ZNF713: variants seen among roughly 807,000 people sequenced by gnomAD.
ZNF713 encodes zinc finger protein 713.
Under a neutral mutation model 28.7 loss-of-function variants are expected in ZNF713, and 21 were observed. The observed-to-expected ratio is 0.73, with a 90% CI of 0.52 to 1.05. ZNF713 has a LOEUF of 1.05. ZNF713 is among the 50% of genes least tolerant of loss of function. ZNF713 has a pLI of 0.00. For missense variants in ZNF713, 458 were observed against 532.4 expected, an observed-to-expected ratio of 0.86 and a Z score of 1.37; for synonymous variants, 167 against 178.0, an observed-to-expected ratio of 0.94 and a Z score of 0.49.
Position 55,939,175 on chromosome 7 carries a change from A to G in ZNF713, c.501A>G (p.Val167=), listed in dbSNP as rs765414761. 6.2e-7 allele frequency: 1 copy of G among 1,613,970 alleles called. No homozygotes were observed. Among genetic ancestry groups the G allele is most frequent in the Non-Finnish European group, 8.5e-7 (1 of 1,179,984 alleles). ...QENHKRYLGQ[V]TLTHKKITQE... ...ACCACAAGAGATATTTAGGACAAGT[A>G]ACTTTGACCCACAAAAAGATCACAC... The change falls in exon 7 of 7, where the codon GTA becomes GTG. Residue 167 remains valine (V), a synonymous_variant. Coordinates refer to ENST00000429591, the MANE Select transcript of ZNF713 (RefSeq NM_182633.3).
intron 4 of ZNF713, among the ~76,000 whole-genome samples, chr7:55,918,861 G>A (rs1785933645): frequency 6.6e-6 from 1 of 152,098 alleles, no homozygotes; most frequent in African/African-American, 2.4e-5. Context: ...GGGCATGGTG[G>A]TTTGCGCCCG....
chr7:55,900,301 C>T (rs1433610750), intron 1 of ZNF713, among the ~76,000 whole-genome samples: 1 of 151,998 alleles, frequency 6.6e-6, no homozygotes. Flanking sequence ...AACCCTGTCT[C>T]TACTAAAAAT....
At chr7:55,894,023 GTATCA>G (rs1392471853) in intron 1 of ZNF713, among the ~76,000 whole-genome samples, 1 of 152,202 alleles carries the variant, frequency 6.6e-6, no homozygotes, top group Non-Finnish European at 1.5e-5. Flanking sequence ...TTAATTTGCA[GTATCA>G]TTTTCTGAGC....
intron 6 of ZNF713, among the ~76,000 whole-genome samples, chr7:55,936,261 T>TC (rs71561979): frequency 0.12 from 6,434 of 54,032 alleles, 251 homozygotes; most frequent in East Asian, 0.43. Context: ...TGAGACTCTG[T>TC]CCCAAAAAAA....
At chr7:55,912,937 A>G (rs1035851520) in intron 4 of ZNF713, among the ~76,000 whole-genome samples, 2 of 152,166 alleles carry the variant, frequency 1.3e-5, no homozygotes. Context: ...ACTCAATTTC[A>G]TGGATTCCTG....
rs569470932 is a variant in ZNF713 at position 55,910,019 on chromosome 7, G to A, written c.-455-1597G>A. On this transcript the variant is annotated intron_variant, in intron 2 of 6. Coordinates refer to ENST00000429591, the MANE Select transcript of ZNF713 (RefSeq NM_182633.3). ...TATACGTTTATGTGTGTGTGTGTGT[G>A]TATATATATATATGTATTTTTTTAA... Among the ~76,000 whole-genome samples, 545 of 150,534 alleles carry A rather than the reference G, an allele frequency of 3.6e-3. 5 individuals are homozygous for A. Among genetic ancestry groups the A allele is most frequent in the African/African-American group, 0.011 (470 of 41,032 alleles).
At chr7:55,931,954 G>A (rs557798285) in intron 6 of ZNF713, among the ~76,000 whole-genome samples, 1 of 152,320 alleles carries the variant, frequency 6.6e-6, no homozygotes, top group African/African-American at 2.4e-5. Context: ...AGACGTGAGA[G>A]GCAGTCTGTA....
chr7:55,939,184 C>T lies in ZNF713; in HGVS notation c.510C>T (p.Thr170=). 6.2e-7 allele frequency: 1 copy of T among 1,613,730 alleles called. No individual in the cohort carries two copies. The highest frequency in any genetic ancestry group is 8.5e-7 in the Non-Finnish European group (1 of 1,179,932). The part of the protein sequence containing the change: ...HKRYLGQVTL[T]HKKITQERSL... ...GATATTTAGGACAAGTAACTTTGAC[C>T]CACAAAAAGATCACACAGGAGAGAA... The change falls in exon 7 of 7, where the codon ACC becomes ACT. Residue 170 remains threonine (T), a synonymous_variant. Coordinates refer to ENST00000429591, the MANE Select transcript of ZNF713 (RefSeq NM_182633.3).
In ZNF713 at chr7:55,887,637, G is replaced by GCGGCGGCGGCGGCGGCGT. The variant is rs1487833170; in HGVS notation, c.-624_-623insGCGGCGGCGGCGGCGTCG. The GCGGCGGCGGCGGCGGCGT allele has an allele frequency of 5.7e-6, 1 of 176,738 alleles. No homozygotes were observed. The allele number at this position is 176,738 out of a possible 1,614,324, so 10.9% of individuals were successfully genotyped here. A position where few individuals can be genotyped will look rare whatever the true frequency, so the allele number is the denominator to read the frequency against. ...GGCGGCGGCGGCGGCGGCGGCGGCGGCGTCAGGGGGCGGAGCCTGCCGAAG... is the reference window on the plus strand; with the variant it reads ...GGCGGCGGCGGCGGCGGCGGCGGCGGCGGCGGCGGCGGCGGCGTCGTCAGGGGGCGGAGCCTGCCGAAG... On this transcript the variant is annotated 5_prime_UTR_variant, in exon 1 of 7. Coordinates refer to ENST00000429591, the MANE Select transcript of ZNF713 (RefSeq NM_182633.3).
intron 2 of ZNF713, among the ~76,000 whole-genome samples, chr7:55,911,227 AC>A (rs1285651349): frequency 6.6e-6 from 1 of 152,192 alleles, no homozygotes; most frequent in Non-Finnish European, 1.5e-5. Context: ...TCTCAGGTCA[AC>A]CTTTGTGAAC....
intron 5 of ZNF713, 95 bp from the exon 6 acceptor site, chr7:55,923,508 TCCCC>T: frequency 8.6e-7 from 1 of 1,160,468 alleles, no homozygotes; most frequent in Non-Finnish European, 1.2e-6. Context: ...CTCTGAAGTC[TCCCC>T]TCCAGAGGCT....
chr7:55,931,218 G>C (rs1013808665), intron 6 of ZNF713, among the ~76,000 whole-genome samples: 13 of 151,964 alleles, frequency 8.6e-5, no homozygotes, highest in Admixed American at 5.3e-4. Flanking sequence ...CCTGGGAGTT[G>C]GAGGTTGCGG....
chr7:55,907,184 A>C (rs1212790136), intron 2 of ZNF713, among the ~76,000 whole-genome samples: 1 of 152,094 alleles, frequency 6.6e-6, no homozygotes, highest in Non-Finnish European at 1.5e-5. Flanking sequence ...GTAAAACTTC[A>C]TTGGCCTTTT....
chr7:55,926,401 G>GT, intron 6 of ZNF713, among the ~76,000 whole-genome samples: 2 of 152,264 alleles, frequency 1.3e-5, no homozygotes, highest in Non-Finnish European at 2.9e-5. Context: ...TGAGCAAGTG[G>GT]TTTTTTTCAC....
At chr7:55,890,956 A>G (rs59199266) in intron 1 of ZNF713, among the ~76,000 whole-genome samples, 25,549 of 150,446 alleles carry the variant, frequency 0.17, 2,763 homozygotes, top group East Asian at 0.34. Context: ...GGATTGTGCC[A>G]CGGCACTCTA....
intron 6 of ZNF713, among the ~76,000 whole-genome samples, chr7:55,932,851 T>C (rs1401922096): frequency 8.6e-6 from 1 of 116,124 alleles, no homozygotes; most frequent in Non-Finnish European, 1.6e-5. Flanking sequence ...GCCACTGCAG[T>C]CCGCAGTCCG....
intron 6 of ZNF713, among the ~76,000 whole-genome samples, chr7:55,936,469 T>G (rs1173604597): frequency 6.6e-6 from 1 of 152,122 alleles, no homozygotes; most frequent in Non-Finnish European, 1.5e-5. Flanking sequence ...ATACTGCCTT[T>G]TACCATCAAG....
intron 6 of ZNF713, among the ~76,000 whole-genome samples, chr7:55,938,049 C>A (rs1210651734): frequency 6.6e-6 from 1 of 152,014 alleles, no homozygotes; most frequent in South Asian, 2.1e-4. Flanking sequence ...ACTAAAAATA[C>A]AAAAATTAGC....
intron 4 of ZNF713, among the ~76,000 whole-genome samples, chr7:55,921,563 C>G (rs1282316899): frequency 2.6e-5 from 4 of 152,122 alleles, no homozygotes; most frequent in African/African-American, 9.7e-5. Context: ...ATGACTGAGG[C>G]TTTCAAGATT....
Sources: gnomAD v4.1 joint callset for allele counts (sites outside exome capture counted in the v4.1 genomes callset) on GRCh38, gnomAD v4.1.1 for gene constraint, MANE v1.5 for transcripts, NCBI Gene and HGNC (gene_info 2026-07-23, HGNC 2026-07-21) for gene names.